Variants in SLC24A2 observed in about 807,000 individuals in gnomAD.
SLC24A2 encodes solute carrier family 24 member 2, also known as sodium/potassium/calcium exchanger 2.
In SLC24A2, 36 loss-of-function variants were observed where a neutral mutation model predicts 62.0. The ratio of observed to expected loss-of-function variants is 0.58; its 90% confidence interval spans 0.44 to 0.77. SLC24A2 has a LOEUF of 0.77. SLC24A2 is among the 30% of genes least tolerant of loss of function. The pLI, the probability that SLC24A2 is intolerant of heterozygous loss-of-function variation, is 0.00. For synonymous variants in SLC24A2, 358 were observed against 294.0 expected, an observed-to-expected ratio of 1.22 and a Z score of -2.23; for missense variants, 846 against 817.9, an observed-to-expected ratio of 1.03 and a Z score of -0.42.
the SLC24A2 span, among the ~76,000 whole-genome samples, chr9:20,251,423 G>A: frequency 1.3e-5 from 2 of 152,098 alleles, no homozygotes; most frequent in Admixed American, 1.3e-4. Flanking sequence ...GGAAAAAAAT[G>A]ACCAAAATAA....
chr9:19,560,879 T>G (rs188018606), intron 7 of SLC24A2, among the ~76,000 whole-genome samples: 1 of 137,068 alleles, frequency 7.3e-6, no homozygotes, highest in Non-Finnish European at 1.6e-5. Flanking sequence ...GTCTTTGCAT[T>G]TGTGTGTGTG....
the SLC24A2 span, among the ~76,000 whole-genome samples, chr9:19,882,072 T>G: frequency 2.0e-5 from 3 of 152,362 alleles, no homozygotes; most frequent in African/African-American, 7.2e-5. Context: ...CATATTAATC[T>G]GTCATACATT....
At chr9:20,141,971 T>G in the SLC24A2 span, among the ~76,000 whole-genome samples, 3,252 of 152,020 alleles carry the variant, frequency 0.021, 44 homozygotes, top group South Asian at 0.048. Flanking sequence ...TAATCCCAGC[T>G]AACTGGGAGG....
chr9:19,876,146 C>T, the SLC24A2 span, among the ~76,000 whole-genome samples: 188 of 152,170 alleles, frequency 1.2e-3, 1 homozygote, highest in Non-Finnish European at 2.3e-3. Flanking sequence ...GAATATTTTT[C>T]AATTTAAACC....
the SLC24A2 span, among the ~76,000 whole-genome samples, chr9:20,185,784 C>G: frequency 0.27 from 40,842 of 151,934 alleles, 6,749 homozygotes; most frequent in Non-Finnish European, 0.38. Flanking sequence ...CTCAAGCACT[C>G]TAAAGTTTGT....
At chr9:19,526,195 G>C (rs1156649328) in intron 9 of SLC24A2, among the ~76,000 whole-genome samples, 1 of 152,028 alleles carries the variant, frequency 6.6e-6, no homozygotes, top group Non-Finnish European at 1.5e-5. Flanking sequence ...TCATTTCTTT[G>C]TACTGTGTAA....
chr9:20,000,156 G>A, the SLC24A2 span, among the ~76,000 whole-genome samples: 2 of 152,162 alleles, frequency 1.3e-5, no homozygotes, highest in South Asian at 4.1e-4. Flanking sequence ...TACTTTAAAA[G>A]ATTTTAAACT....
the SLC24A2 span, among the ~76,000 whole-genome samples, chr9:19,879,323 A>G: frequency 6.6e-6 from 1 of 152,144 alleles, no homozygotes; most frequent in African/African-American, 2.4e-5. Flanking sequence ...GCAGTCTGCA[A>G]AGAGCTATTT....
chr9:20,290,573 C>T, the SLC24A2 span, among the ~76,000 whole-genome samples: 2 of 152,200 alleles, frequency 1.3e-5, no homozygotes, highest in African/African-American at 4.8e-5. Context: ...AGCGCTTTAG[C>T]GGCTGGAATG....
chr9:19,966,484 A>C, the SLC24A2 span, among the ~76,000 whole-genome samples: 1 of 152,222 alleles, frequency 6.6e-6, no homozygotes, highest in East Asian at 1.9e-4. Context: ...AAAGCTACCA[A>C]AAATTAATAT....
At chr9:20,060,485 G>A in the SLC24A2 span, among the ~76,000 whole-genome samples, 1 of 152,012 alleles carries the variant, frequency 6.6e-6, no homozygotes, top group Non-Finnish European at 1.5e-5. Context: ...ATGTAAGATT[G>A]TCTTAATATA....
chr9:20,218,032 A>G, the SLC24A2 span, among the ~76,000 whole-genome samples: 1 of 152,190 alleles, frequency 6.6e-6, no homozygotes, highest in African/African-American at 2.4e-5. Context: ...TTTGGGTATG[A>G]TCTGTGGATT....
chr9:20,153,029 C>G, the SLC24A2 span, among the ~76,000 whole-genome samples: 1 of 151,654 alleles, frequency 6.6e-6, no homozygotes. Flanking sequence ...ACAAACAGAG[C>G]TTAAGTTAAA....
chr9:20,281,465 G>A, the SLC24A2 span, among the ~76,000 whole-genome samples: 1 of 152,012 alleles, frequency 6.6e-6, no homozygotes, highest in Non-Finnish European at 1.5e-5. Context: ...AAACTTCCAT[G>A]TACTCTTTTC....
rs140791190 is a variant in SLC24A2, at chr9:19,748,434, G to A, written c.930+37503C>T. On this transcript the variant is annotated intron_variant, in intron 2 of 10. Coordinates refer to ENST00000341998, the MANE Select transcript of SLC24A2 (RefSeq NM_020344.4). The stretch of plus-strand genomic sequence containing the variant: ...AAGTTTTAGACTGGCCTCCATTGAT[G>A]TAGTGGGGTAAGTGGTGGAAGAAAT... Among the ~76,000 whole-genome samples the A allele has an allele frequency of 5.7e-4, 87 of 152,294 alleles. 1 individual carries two copies. The highest frequency in any genetic ancestry group is 2.0e-3 in the African/African-American group (82 of 41,572).
At chr9:19,695,698 A>C (rs909230926) in intron 2 of SLC24A2, among the ~76,000 whole-genome samples, 1 of 151,454 alleles carries the variant, frequency 6.6e-6, no homozygotes, top group African/African-American at 2.4e-5. Flanking sequence ...AAAAAAAAAA[A>C]AAAAACCTAG....
chr9:20,226,575 A>G, the SLC24A2 span, among the ~76,000 whole-genome samples: 1 of 152,036 alleles, frequency 6.6e-6, no homozygotes, highest in Non-Finnish European at 1.5e-5. Flanking sequence ...GCCTACTGCA[A>G]TTTCCTTTCT....
At chr9:19,808,236 C>A in the SLC24A2 span, among the ~76,000 whole-genome samples, 2 of 152,120 alleles carry the variant, frequency 1.3e-5, no homozygotes, top group African/African-American at 4.8e-5. This position sits in a 1 kb window ranked among gnomAD's most constrained non-coding sequence, Gnocchi z 4.1. Context: ...TACCAGATGA[C>A]ACAGATGTAC....
At chr9:20,195,253 TTAATA>T in the SLC24A2 span, among the ~76,000 whole-genome samples, 1 of 152,194 alleles carries the variant, frequency 6.6e-6, no homozygotes, top group Non-Finnish European at 1.5e-5. Flanking sequence ...TATATATACC[TTAATA>T]TAATAACTAT....
Sources: allele counts gnomAD v4.1 joint callset (sites outside exome capture counted in the v4.1 genomes callset), GRCh38; gene constraint gnomAD v4.1.1; non-coding constraint Gnocchi (gnomAD v3.1); transcripts MANE v1.5; gene names NCBI Gene and HGNC (gene_info 2026-07-23, HGNC 2026-07-21).